Variants in PDE1B observed in about 807,000 individuals in gnomAD.
The protein encoded by PDE1B is dual specificity calcium/calmodulin-dependent 3',5'-cyclic nucleotide phosphodiesterase 1B.
Under a neutral mutation model 66.7 loss-of-function variants are expected in PDE1B, and 13 were observed. The observed-to-expected ratio is 0.19, with a 90% CI of 0.13 to 0.31. The LOEUF (loss-of-function observed/expected upper bound fraction) is 0.31. Among genes scored for constraint, PDE1B ranks in the 10% least tolerant of loss-of-function variants. The pLI is 1.00. For synonymous variants in PDE1B, 230 were observed against 253.9 expected, an observed-to-expected ratio of 0.91 and a Z score of 0.90; for missense variants, 485 against 682.3, an observed-to-expected ratio of 0.71 and a Z score of 3.22.
At chr12:54,551,102 A>G (rs1411033670) in intron 2 of PDE1B, among the ~76,000 whole-genome samples, 1 of 152,180 alleles carries the variant, frequency 6.6e-6, no homozygotes, top group Non-Finnish European at 1.5e-5. Flanking sequence ...TTCCTCCTCA[A>G]TGTTCTCCAT....
chr12:54,574,334 A>G (rs1408714771), intron 10 of PDE1B: 2 of 154,234 alleles, frequency 1.3e-5, no homozygotes, highest in Admixed American at 6.4e-5. Context: ...TGTTGAGGGT[A>G]TAATAATAAT....
At chr12:54,570,587 G>A (rs1482809811) in intron 6 of PDE1B, 1 of 522,734 alleles carries the variant, frequency 1.9e-6, no homozygotes, top group Non-Finnish European at 3.4e-6. Context: ...CAACCATCTA[G>A]CCTGGGATTC....
intron 2 of PDE1B, among the ~76,000 whole-genome samples, chr12:54,566,490 C>A (rs534103933): frequency 1.6e-4 from 25 of 152,340 alleles, no homozygotes; most frequent in African/African-American, 5.8e-4. Context: ...CCCCACCCCC[C>A]ACACCATGAC....
chr12:54,576,677 A>C lies in PDE1B; in HGVS notation c.1483A>C (p.Lys495Gln). The change falls in exon 14 of 16, where the codon AAA becomes CAA. Residue 495 changes from lysine (K) to glutamine (Q), a missense_variant. Transcript: ENST00000243052. Reference sequence around the variant, plus strand: ...CAAGCGCATTCAGGAGAATAAGCAGAAATGGAAGGAACGGGCAGCAAGTGG... The same window carrying C: ...CAAGCGCATTCAGGAGAATAAGCAGCAATGGAAGGAACGGGCAGCAAGTGG... ...WVKRIQENKQ[K>Q]WKERAASGIT... is the part of the protein sequence containing the mutation. 6.2e-7 allele frequency: 1 copy of C among 1,611,760 alleles called. No individual in the cohort carries two copies. Among genetic ancestry groups the C allele is most frequent in the South Asian group, 1.1e-5 (1 of 90,574 alleles).
At chr12:54,567,537 T>TA (rs1442099107) in intron 3 of PDE1B, among the ~76,000 whole-genome samples, 1 of 149,038 alleles carries the variant, frequency 6.7e-6, no homozygotes, top group South Asian at 2.1e-4. Context: ...ATAAAAAAAA[T>TA]AAAAAAAGAG....
chr12:54,561,238 C>G (rs1401102851), intron 2 of PDE1B, among the ~76,000 whole-genome samples: 1 of 152,098 alleles, frequency 6.6e-6, no homozygotes, highest in African/African-American at 2.4e-5. Flanking sequence ...CCCCCTTTTT[C>G]CCAAAAGAGG....
rs766725432 is a variant in PDE1B at position 54,572,669 on chromosome 12, T to G, written c.663T>G (p.Pro221=). 2.5e-6 allele frequency: 4 copies of G among 1,614,102 alleles called. No homozygotes were observed. The highest frequency in any genetic ancestry group is 8.5e-7 in the Non-Finnish European group (1 of 1,179,916). The part of the protein sequence containing the change: ...LETGYGKYKN[P]YHNQIHAADV... ...CAGGCTATGGGAAGTACAAGAATCC[T>G]TACCACAACCAGATCCACGCAGCCG... The change falls in exon 7 of 16, where the codon CCT becomes CCG. Residue 221 remains proline (P), a synonymous_variant. Coordinates refer to ENST00000243052, the MANE Select transcript of PDE1B (RefSeq NM_000924.4).
chr12:54,556,897 G>A (rs914563144), intron 2 of PDE1B, among the ~76,000 whole-genome samples: 1 of 151,862 alleles, frequency 6.6e-6, no homozygotes, highest in Non-Finnish European at 1.5e-5. Context: ...TGGGGGCTGG[G>A]GGCTGGTTGT....
chr12:54,567,038 C>A lies in PDE1B; in HGVS notation c.178C>A (p.Leu60Met). 1.2e-6 allele frequency: 2 copies of A among 1,611,724 alleles called. No individual in the cohort carries two copies. Among genetic ancestry groups the A allele is most frequent in the Non-Finnish European group, 1.7e-6 (2 of 1,178,428 alleles). ...EINIEELKKNLEYTASLLEAV... is the reference protein window; with the variant it reads ...EINIEELKKNMEYTASLLEAV... ...AAACATTGAGGAGCTGAAGAAAAAT[C>A]TGGAGTACACAGCTTCTCTGCTGGA... The change falls in exon 3 of 16, where the codon CTG becomes ATG. Residue 60 changes from leucine (L) to methionine (M), a missense_variant. Around this residue, in one of 4 missense-constraint regions of PDE1B, gnomAD observed 74 missense variants for 78.7 expected, o/e 0.94. Transcript: ENST00000243052.
At position 54,575,829 on chromosome 12, in the gene PDE1B, C is replaced by T. The variant is rs1957731037; in HGVS notation, c.1268-163C>T. The T allele has an allele frequency of 1.4e-6, 1 of 730,268 alleles. No homozygotes were observed. Among genetic ancestry groups the T allele is most frequent in the Admixed American group, 2.0e-5 (1 of 49,966 alleles). 45.2% of individuals were successfully genotyped at this position (730,268 alleles called of 1,614,324 possible). On this transcript the variant is annotated intron_variant, in intron 12 of 15. Coordinates refer to ENST00000243052, the MANE Select transcript of PDE1B (RefSeq NM_000924.4). This position sits in a 1 kb window ranked among gnomAD's most constrained non-coding sequence, Gnocchi z 4.0. ...GAAGGAGCTCTCTGGGGCACCAAGACATCATCCCAAAGCCTGCCCTGCATT... is the reference window on the plus strand; with the variant it reads ...GAAGGAGCTCTCTGGGGCACCAAGATATCATCCCAAAGCCTGCCCTGCATT...
Position 54,575,849 on chromosome 12 carries a change from T to G in PDE1B, c.1268-143T>G, listed in dbSNP as rs1265703208. On this transcript the variant is annotated intron_variant, in intron 12 of 15. Transcript: ENST00000243052. The surrounding 1 kb of genome is among the most constrained non-coding windows in gnomAD (Gnocchi z 4.0). Reference sequence around the variant, plus strand: ...CAAGACATCATCCCAAAGCCTGCCCTGCATTGGGAAGTTTTCAGCCCCAGG... The same window carrying G: ...CAAGACATCATCCCAAAGCCTGCCCGGCATTGGGAAGTTTTCAGCCCCAGG... The G allele has an allele frequency of 2.6e-6, 2 of 760,566 alleles. No homozygotes were observed. Among genetic ancestry groups the G allele is most frequent in the African/African-American group, 1.7e-5 (1 of 58,716 alleles). The allele number at this position is 760,566 out of a possible 1,614,324, so 47.1% of individuals were successfully genotyped here.
rs1339246191 is a variant in PDE1B at position 54,569,370 on chromosome 12, AGGCTC to A, written c.410+6_410+10del. 11 of 1,598,802 alleles carry A rather than the reference AGGCTC, an allele frequency of 6.9e-6. No individual in the cohort carries two copies. The highest frequency in any genetic ancestry group is 4.0e-5 in the African/African-American group (3 of 74,680). On this transcript the variant is annotated splice_donor_5th_base_variant and intron_variant, in intron 4 of 15. Transcript: ENST00000243052. This position sits in a 1 kb window ranked among gnomAD's most constrained non-coding sequence, Gnocchi z 4.4. ...AGGCTGGGATCTTCGTGGAACGGTG[AGGCTC>A]GCCCACACTCAGCCTCCCTCTGCCT...
At position 54,573,075 on chromosome 12, in the gene PDE1B, C is replaced by CTG. The variant is rs1315509449; in HGVS notation, c.736-66_736-65dup. The CTG allele has an allele frequency of 2.8e-6, 3 of 1,063,876 alleles. No homozygotes were observed. In the African/African-American group the frequency reaches 4.7e-5, roughly 16 times the overall value. 65.9% of individuals were successfully genotyped at this position (1,063,876 alleles called of 1,614,324 possible). A position where few individuals can be genotyped will look rare whatever the true frequency, so the allele number is the denominator to read the frequency against. ...GAAGGGATGGGATGAGTGATCTAGC[C>CTG]TGTGTGTGGAGGTTCCTGGGAAGTG... On this transcript the variant is annotated intron_variant, in intron 7 of 15. Transcript: ENST00000243052. This position sits in a 1 kb window ranked among gnomAD's most constrained non-coding sequence, Gnocchi z 5.2.
rs554079237 is a variant in PDE1B at position 54,573,840 on chromosome 12, A to G, written c.1064+131A>G. ...AGAGACTCCACTGGCTTCAGGTATCAGACTGCATCTCTATGTGAGAGAGAG... is the reference window on the plus strand; with the variant it reads ...AGAGACTCCACTGGCTTCAGGTATCGGACTGCATCTCTATGTGAGAGAGAG... On this transcript the variant is annotated intron_variant, in intron 10 of 15. Transcript: ENST00000243052. This position sits in a 1 kb window ranked among gnomAD's most constrained non-coding sequence, Gnocchi z 5.2. 2.5e-5 allele frequency: 17 copies of G among 687,266 alleles called. No individual in the cohort carries two copies. The African/African-American group carries it at 3.1e-4, about 12-fold the overall frequency. 42.6% of individuals were successfully genotyped at this position (687,266 alleles called of 1,614,324 possible).
At position 54,577,293 on chromosome 12, in the gene PDE1B, G is replaced by A. The variant is rs557008061; in HGVS notation, c.1576G>A (p.Glu526Lys). 57 of 1,613,876 alleles carry A rather than the reference G, an allele frequency of 3.5e-5. No individual in the cohort carries two copies. The highest frequency in any genetic ancestry group is 5.5e-5 in the South Asian group (5 of 91,062). The change falls in exon 15 of 16, where the codon GAA becomes AAA. Residue 526 changes from glutamate to lysine, a missense_variant. Physicochemically the swap from Glu to Lys is moderately conservative, Grantham distance 56. Coordinates refer to ENST00000243052, the MANE Select transcript of PDE1B (RefSeq NM_000924.4). ...CEEEAPPSPA[E>K]DEHNQNGNLD Reference sequence around the variant, plus strand: ...AGAAGAGGCCCCCCCATCCCCTGCCGAAGATGAACACAACCAGAATGGGAA... The same window carrying A: ...AGAAGAGGCCCCCCCATCCCCTGCCAAAGATGAACACAACCAGAATGGGAA...
intron 2 of PDE1B, among the ~76,000 whole-genome samples, chr12:54,564,528 G>A (rs139683044): frequency 0.018 from 2,757 of 152,222 alleles, 77 homozygotes; most frequent in African/African-American, 0.063. Flanking sequence ...TAGCTACTCA[G>A]GAGGCTGAGG....
rs565226234 is a variant in PDE1B at position 54,575,656 on chromosome 12, G to A, written c.1267+24G>A. On this transcript the variant is annotated intron_variant, in intron 12 of 15. Transcript: ENST00000243052. This position sits in a 1 kb window ranked among gnomAD's most constrained non-coding sequence, Gnocchi z 4.0. ...AGGTGAGTGTCCTCTCCTGCAGGAA[G>A]GGGAGGACTGGGAGGGGGAAAAGAT... 1.3e-5 allele frequency: 19 copies of A among 1,496,876 alleles called. No individual in the cohort carries two copies. The African/African-American group carries it at 1.8e-4, about 14-fold the overall frequency. The allele number at this position is 1,496,876 out of a possible 1,614,324, so 92.7% of individuals were successfully genotyped here. A position where few individuals can be genotyped will look rare whatever the true frequency, so the allele number is the denominator to read the frequency against.
chr12:54,558,960 T>C (rs1428584592), intron 2 of PDE1B, among the ~76,000 whole-genome samples: 1 of 152,190 alleles, frequency 6.6e-6, no homozygotes, highest in African/African-American at 2.4e-5. Context: ...ATGTATTATT[T>C]ACCCATTTTA....
chr12:54,575,547 C>G lies in PDE1B; in HGVS notation c.1186-4C>G, dbSNP rs532901413. 145 of 1,605,634 alleles carry G rather than the reference C, an allele frequency of 9.0e-5. 1 individual carries two copies. The South Asian group carries it at 1.5e-3, about 16-fold the overall frequency. On this transcript the variant is annotated splice_polypyrimidine_tract_variant and splice_region_variant and intron_variant, in intron 11 of 15. Transcript: ENST00000243052. This position sits in a 1 kb window ranked among gnomAD's most constrained non-coding sequence, Gnocchi z 4.0. ...CAGCTTTCCTACCCTGTTCCCTCCT[C>G]TAGGGTGACAAGGAGGCAGAGTTGG...
Sources: allele counts gnomAD v4.1 joint callset (sites outside exome capture counted in the v4.1 genomes callset), GRCh38; gene constraint gnomAD v4.1.1; regional missense constraint gnomAD v4.1.1; non-coding constraint Gnocchi (gnomAD v3.1); transcripts MANE v1.5; gene names NCBI Gene and HGNC (gene_info 2026-07-23, HGNC 2026-07-21).